The following KIAA1217 variants were observed in gnomAD, a reference collection of about 807,000 sequenced individuals.
The protein encoded by KIAA1217 is sickle tail protein homolog.
Under a neutral mutation model 163.9 loss-of-function variants are expected in KIAA1217, and 88 were observed. That is an observed-to-expected ratio of 0.54 (90% confidence interval 0.45 to 0.64). KIAA1217 has a LOEUF of 0.64. Ranked by LOEUF, KIAA1217 falls within the 30% of genes least tolerant of loss-of-function variation. The probability of loss-of-function intolerance (pLI) is 0.00; values close to 1 mark genes in which losing one functional copy is unlikely to be tolerated. For missense variants in KIAA1217, 2,372 were observed against 2,475.0 expected (o/e 0.96, Z 0.88); for synonymous variants, 903 against 923.1 (o/e 0.98, Z 0.39).
At chr10:24,333,234 A>C (rs1217661329) in intron 2 of KIAA1217, among the ~76,000 whole-genome samples, 3 of 152,110 alleles carry the variant, frequency 2.0e-5, no homozygotes, top group Non-Finnish European at 4.4e-5. Context: ...CATATTGGAC[A>C]GGCTGGTCTT....
At chr10:23,878,770 G>A (rs1840822342) in intron 1 of KIAA1217, among the ~76,000 whole-genome samples, 1 of 151,900 alleles carries the variant, frequency 6.6e-6, no homozygotes, top group South Asian at 2.1e-4. Context: ...GAGTAGGACA[G>A]TCTTAGCAGA....
chr10:24,311,217 G>A (rs534687473), intron 2 of KIAA1217, among the ~76,000 whole-genome samples: 3 of 152,254 alleles, frequency 2.0e-5, no homozygotes, highest in Admixed American at 6.5e-5. Context: ...CCTCAGGATC[G>A]GACATGTGTT....
At chr10:23,826,510 A>C (rs1460727754) in intron 1 of KIAA1217, among the ~76,000 whole-genome samples, 7 of 152,154 alleles carry the variant, frequency 4.6e-5, no homozygotes, top group Admixed American at 6.5e-5. Flanking sequence ...AACAGCCTTG[A>C]CTGGTGATTT....
At chr10:24,420,635 A>T (rs563754864) in intron 3 of KIAA1217, among the ~76,000 whole-genome samples, 217 of 152,272 alleles carry the variant, frequency 1.4e-3, no homozygotes, top group African/African-American at 5.0e-3. Context: ...TTTTTTGTTT[A>T]TGCGAAGTTT....
At position 24,521,935 on chromosome 10, in the gene KIAA1217, C is replaced by T. The variant is rs374648558; in HGVS notation, c.2456+6C>T. ...GTCCTGACCATGCTGCGGAGGTGACCGGGCCCTCATCGTGCTGGGGGTGGC... is the reference window on the plus strand; with the variant it reads ...GTCCTGACCATGCTGCGGAGGTGACTGGGCCCTCATCGTGCTGGGGGTGGC... On this transcript the variant is annotated splice_donor_region_variant and intron_variant, in intron 12 of 20. Coordinates refer to ENST00000376454, the MANE Select transcript of KIAA1217 (RefSeq NM_019590.5). 6.9e-6 allele frequency: 11 copies of T among 1,601,042 alleles called. No individual in the cohort carries two copies. In the African/African-American group the frequency reaches 8.0e-5, roughly 12 times the overall value.
intron 5 of KIAA1217, among the ~76,000 whole-genome samples, chr10:24,453,205 C>G (rs1206832719): frequency 1.3e-5 from 2 of 152,200 alleles, no homozygotes; most frequent in Non-Finnish European, 2.9e-5. Context: ...TTTGTTCTCA[C>G]CCCTCTGGAT....
Position 24,470,129 on chromosome 10 carries a change from C to T in KIAA1217, c.847-3099C>T, listed in dbSNP as rs1375081011. ...AGAATTTGCCCACATATCCGCTGCT[C>T]GCTGAGCCAGTCCCTCCTGTATTTT... On this transcript the variant is annotated intron_variant, in intron 5 of 20. Transcript: ENST00000376454. 7.9e-5 allele frequency among the ~76,000 whole-genome samples: 12 copies of T among 152,272 alleles called. 1 individual carries two copies. In the South Asian group the frequency reaches 1.2e-3, roughly 16 times the overall value.
intron 1 of KIAA1217, among the ~76,000 whole-genome samples, chr10:23,862,930 G>C (rs1386246905): frequency 6.6e-6 from 1 of 152,100 alleles, no homozygotes. Context: ...AGCCATTGAA[G>C]TCAGACCTTA....
At chr10:24,152,770 AT>A (rs2131862631) in intron 2 of KIAA1217, among the ~76,000 whole-genome samples, 1 of 151,804 alleles carries the variant, frequency 6.6e-6, no homozygotes, top group South Asian at 2.1e-4. Context: ...GTGCTGATTT[AT>A]TTTAAAAGCA....
chr10:23,883,811 T>TA (rs569278646), intron 1 of KIAA1217, among the ~76,000 whole-genome samples: 25 of 152,086 alleles, frequency 1.6e-4, no homozygotes, highest in Admixed American at 8.5e-4. Context: ...TGACAACAAC[T>TA]GATCTTCTTA....
chr10:24,388,737 C>A (rs11014075), intron 3 of KIAA1217, among the ~76,000 whole-genome samples: 1 of 151,774 alleles, frequency 6.6e-6, no homozygotes, highest in Non-Finnish European at 1.5e-5. Context: ...CTTCAACAAG[C>A]GGGCGAAGGA....
chr10:24,048,886 CTG>C (rs1348830746), intron 2 of KIAA1217, among the ~76,000 whole-genome samples: 1 of 151,596 alleles, frequency 6.6e-6, no homozygotes, highest in Non-Finnish European at 1.5e-5. Flanking sequence ...CAAAAATTAG[CTG>C]TGTGTGGTGG....
At chr10:24,186,347 T>C (rs1251578836) in intron 2 of KIAA1217, among the ~76,000 whole-genome samples, 1 of 152,192 alleles carries the variant, frequency 6.6e-6, no homozygotes, top group Non-Finnish European at 1.5e-5. Context: ...AGTCATACTT[T>C]ACACCTCTGA....
chr10:24,338,969 A>G (rs942598634), intron 2 of KIAA1217, among the ~76,000 whole-genome samples: 2 of 152,200 alleles, frequency 1.3e-5, no homozygotes, highest in African/African-American at 4.8e-5. Context: ...AGTGACTTAC[A>G]TTGAAATCCT....
intron 1 of KIAA1217, 103 bp downstream of exon 1, chr10:24,209,366 A>AG (rs2067785326): frequency 2.4e-6 from 2 of 834,230 alleles, no homozygotes; most frequent in Admixed American, 2.7e-5. Context: ...AAAGGAAAAA[A>AG]AAAAAAAAGG....
intron 1 of KIAA1217, among the ~76,000 whole-genome samples, chr10:23,907,806 A>G (rs905160987): frequency 1.3e-5 from 2 of 152,150 alleles, no homozygotes; most frequent in African/African-American, 4.8e-5. Context: ...TCAAGTTTAC[A>G]TAAAATTGAC....
chr10:23,970,942 C>T (rs1410649843), intron 1 of KIAA1217, among the ~76,000 whole-genome samples: 1 of 152,094 alleles, frequency 6.6e-6, no homozygotes, highest in Non-Finnish European at 1.5e-5. Flanking sequence ...GCAAGTTTTA[C>T]AGAAGGAGTG....
At chr10:23,712,236 G>A (rs1837301461) in intron 1 of KIAA1217, among the ~76,000 whole-genome samples, 1 of 152,114 alleles carries the variant, frequency 6.6e-6, no homozygotes, top group Admixed American at 6.5e-5. Flanking sequence ...AAGGTAGAAA[G>A]AGGAACATAA....
In KIAA1217 at chr10:24,543,744, G is replaced by A. The variant is rs1379328283; in HGVS notation, c.4474G>A (p.Val1492Ile). 6 of 1,613,514 alleles carry A rather than the reference G, an allele frequency of 3.7e-6. No individual in the cohort carries two copies. The Admixed American group carries it at 8.3e-5, about 22-fold the overall frequency. ...EEEEEENGDSVVQNNNTSQMS... is the reference protein window; with the variant it reads ...EEEEEENGDSIVQNNNTSQMS... ...GGAAGAGGAGGAAAATGGGGATTCT[G>A]TAGTCCAGAATAATAACACTTCCCA... Residue 1492 changes from valine to isoleucine, a missense_variant, in exon 19 of 21, where the codon GTA (valine) becomes ATA (isoleucine). Around this residue, in one of 3 missense-constraint regions of KIAA1217, gnomAD observed 690 missense variants for 677.5 expected, o/e 1.02. Transcript: ENST00000376454.
Sources: gnomAD v4.1 joint callset for allele counts (sites outside exome capture counted in the v4.1 genomes callset) on GRCh38, gnomAD v4.1.1 for gene constraint, gnomAD v4.1.1 regional missense constraint, MANE v1.5 for transcripts, NCBI Gene and HGNC (gene_info 2026-07-23, HGNC 2026-07-21) for gene names.